COLEC10: variants seen among roughly 807,000 people sequenced by gnomAD.
COLEC10 encodes the protein collectin subfamily member 10, also known as collectin-10.
COLEC10 carries 22 observed loss-of-function variants against 28.4 expected under a neutral mutation model. The ratio of observed to expected loss-of-function variants is 0.78; its 90% CI spans 0.55 to 1.11. COLEC10 has a LOEUF of 1.11. Among genes scored for constraint, COLEC10 ranks in the 50% least tolerant of loss-of-function variants. COLEC10 has a pLI of 0.00. For missense variants in COLEC10, 361 were observed against 344.1 expected (o/e 1.05, Z -0.39); for synonymous variants, 125 against 116.1 (o/e 1.08, Z -0.49).
At chr8:118,957,597 T>C in the COLEC10 span, among the ~76,000 whole-genome samples, 7 of 152,156 alleles carry the variant, frequency 4.6e-5, no homozygotes, top group South Asian at 1.2e-3. Context: ...GTTGAATCTA[T>C]GGACAGTAGG....
At chr8:119,012,897 T>C (rs1323999115) in intron 2 of COLEC10, among the ~76,000 whole-genome samples, 1 of 150,512 alleles carries the variant, frequency 6.6e-6, no homozygotes, top group East Asian at 1.9e-4. Context: ...TGATTGTATT[T>C]ATCTATTCAA....
intron 2 of COLEC10, among the ~76,000 whole-genome samples, chr8:119,054,854 A>G (rs928065703): frequency 6.6e-6 from 1 of 152,112 alleles, no homozygotes; most frequent in African/African-American, 2.4e-5. Flanking sequence ...TGCAATATCT[A>G]TGAATGTTAT....
chr8:118,965,394 A>AT, the COLEC10 span, among the ~76,000 whole-genome samples: 2 of 151,996 alleles, frequency 1.3e-5, no homozygotes, highest in Non-Finnish European at 2.9e-5. Context: ...TTTACACTTT[A>AT]TTTTTTAAAA....
At chr8:119,056,398 TA>T (rs1268755086) in intron 2 of COLEC10, among the ~76,000 whole-genome samples, 4 of 152,028 alleles carry the variant, frequency 2.6e-5, no homozygotes, top group South Asian at 2.1e-4. Flanking sequence ...AAAAACTCCT[TA>T]AAAATTGATT....
intron 2 of COLEC10, among the ~76,000 whole-genome samples, chr8:119,040,823 T>C (rs1814480998): frequency 6.6e-6 from 1 of 152,194 alleles, no homozygotes; most frequent in Non-Finnish European, 1.5e-5. Context: ...ACTTCAAAAC[T>C]GTAGCCCCAC....
chr8:119,098,130 G>A (rs1047691111), intron 3 of COLEC10, among the ~76,000 whole-genome samples: 1 of 151,842 alleles, frequency 6.6e-6, no homozygotes, highest in Non-Finnish European at 1.5e-5. Flanking sequence ...TTTTTTAATG[G>A]TCATTCTAGA....
At chr8:119,017,110 C>CT (rs536158115) in intron 2 of COLEC10, among the ~76,000 whole-genome samples, 53 of 152,216 alleles carry the variant, frequency 3.5e-4, no homozygotes, top group African/African-American at 1.1e-3. Flanking sequence ...TGATGATGAG[C>CT]TTTTTTTCAT....
intron 1 of COLEC10, among the ~76,000 whole-genome samples, chr8:119,069,810 T>C (rs911641725): frequency 6.6e-6 from 1 of 151,424 alleles, no homozygotes; most frequent in Non-Finnish European, 1.5e-5. Flanking sequence ...GTCTGCGTTA[T>C]TACTGTTTTT....
intron 2 of COLEC10, among the ~76,000 whole-genome samples, chr8:119,055,859 TC>T (rs766190150): frequency 6.6e-6 from 1 of 152,098 alleles, no homozygotes; most frequent in Non-Finnish European, 1.5e-5. Context: ...ACTGTTTTTT[TC>T]TTCTCAGTTT....
chr8:119,049,608 G>T (rs1357459116), intron 2 of COLEC10, among the ~76,000 whole-genome samples: 5 of 151,582 alleles, frequency 3.3e-5, no homozygotes, highest in African/African-American at 1.2e-4. Context: ...TAGAGACGAG[G>T]TTTCACCGTG....
intron 2 of COLEC10, among the ~76,000 whole-genome samples, chr8:119,052,023 G>A (rs1814684196): frequency 6.6e-6 from 1 of 152,150 alleles, no homozygotes. Flanking sequence ...AGCCAAGATA[G>A]TAAAATGAAT....
At chr8:119,048,131 A>G (rs914506203) in intron 2 of COLEC10, among the ~76,000 whole-genome samples, 1 of 152,078 alleles carries the variant, frequency 6.6e-6, no homozygotes, top group African/African-American at 2.4e-5. Flanking sequence ...TTTTCAATCC[A>G]TGCCCCACTT....
intron 1 of COLEC10, among the ~76,000 whole-genome samples, chr8:119,080,151 A>T (rs1490375163): frequency 5.3e-5 from 8 of 152,116 alleles, no homozygotes; most frequent in African/African-American, 1.9e-4. Context: ...GCTTTGTTGG[A>T]TGCCAGTTGT....
At chr8:119,088,404 T>C (rs1483527992) in intron 1 of COLEC10, among the ~76,000 whole-genome samples, 1 of 152,152 alleles carries the variant, frequency 6.6e-6, no homozygotes, top group Non-Finnish European at 1.5e-5. Context: ...ATCTCACACC[T>C]GGAAATCCAA....
chr8:119,021,353 C>A (rs1323824075), intron 2 of COLEC10, among the ~76,000 whole-genome samples: 1 of 152,142 alleles, frequency 6.6e-6, no homozygotes, highest in African/African-American at 2.4e-5. Context: ...ATAAACAGGT[C>A]CTCTCATTCA....
At chr8:119,006,233 G>A (rs1482907360) in intron 1 of COLEC10, among the ~76,000 whole-genome samples, 1 of 152,066 alleles carries the variant, frequency 6.6e-6, no homozygotes, top group Non-Finnish European at 1.5e-5. Flanking sequence ...CCTGAGTAGT[G>A]TGAGAATAGG....
chr8:119,057,783 T>C (rs1490526096), intron 2 of COLEC10, among the ~76,000 whole-genome samples: 1 of 152,062 alleles, frequency 6.6e-6, no homozygotes, highest in Non-Finnish European at 1.5e-5. Context: ...TCCAATATTA[T>C]TCCAGACATT....
intron 1 of COLEC10, among the ~76,000 whole-genome samples, chr8:118,999,389 G>C (rs969393561): frequency 6.6e-6 from 1 of 151,940 alleles, no homozygotes; most frequent in Non-Finnish European, 1.5e-5. Context: ...TCAGGAGTTT[G>C]AGACCAGCCT....
chr8:119,104,719 G>A (rs1459896858), intron 5 of COLEC10, among the ~76,000 whole-genome samples: 1 of 152,130 alleles, frequency 6.6e-6, no homozygotes, highest in African/African-American at 2.4e-5. Context: ...AACACTAGAG[G>A]CAAAGGAAAT....
Sources: allele counts gnomAD v4.1 joint callset (sites outside exome capture counted in the v4.1 genomes callset), GRCh38; gene constraint gnomAD v4.1.1; transcripts MANE v1.5; gene names NCBI Gene and HGNC (gene_info 2026-07-23, HGNC 2026-07-21).